HFM1: variants seen among roughly 807,000 people sequenced by gnomAD.
The protein encoded by HFM1 is probable ATP-dependent DNA helicase HFM1.
HFM1 carries 169 observed loss-of-function variants against 192.1 expected under a neutral mutation model. That is an observed-to-expected ratio of 0.88 (90% confidence interval 0.78 to 1.00). The LOEUF is 1.00. Ranked by LOEUF, HFM1 falls within the 50% of genes least tolerant of loss-of-function variation. The pLI is 0.00. For synonymous variants in HFM1, 525 were observed against 537.8 expected, an observed-to-expected ratio of 0.98 and a Z score of 0.33; for missense variants, 1,661 against 1,668.0, an observed-to-expected ratio of 1.00 and a Z score of 0.07.
At chr1:91,348,719 A>AT in intron 18 of HFM1, among the ~76,000 whole-genome samples, 1 of 151,916 alleles carries the variant, frequency 6.6e-6, no homozygotes, top group East Asian at 1.9e-4. Context: ...CACAAGTTCT[A>AT]GACCAGCCTA....
chr1:91,270,513 A>C (rs1330156521), intron 34 of HFM1, among the ~76,000 whole-genome samples: 1 of 151,972 alleles, frequency 6.6e-6, no homozygotes, highest in East Asian at 1.9e-4. Context: ...AAACATAGTC[A>C]GTGATTAAAG....
intron 4 of HFM1, among the ~76,000 whole-genome samples, chr1:91,388,358 A>T (rs1341231784): frequency 3.3e-5 from 5 of 152,192 alleles, no homozygotes; most frequent in Non-Finnish European, 7.3e-5. Flanking sequence ...GTCTGACGCT[A>T]ATTCCAGGAG....
chr1:91,342,413 G>A (rs1020343711), intron 20 of HFM1, among the ~76,000 whole-genome samples: 1 of 152,116 alleles, frequency 6.6e-6, no homozygotes, highest in African/African-American at 2.4e-5. Flanking sequence ...TCATGTGAGA[G>A]GTGCCCTCCC....
chr1:91,396,370 A>T lies in HFM1; in HGVS notation c.107T>A (p.Leu36His). The T allele has an allele frequency of 1.2e-6, 2 of 1,602,282 alleles. No individual in the cohort carries two copies. The highest frequency in any genetic ancestry group is 1.7e-6 in the Non-Finnish European group (2 of 1,172,558). ...PDNEKSLDWFLPPAPLISEIP... is the reference protein window; with the variant it reads ...PDNEKSLDWFHPPAPLISEIP... ...TTCTGAAATCAATGGAGCAGGAGGG[A>T]GAAACCAATCCAATGACTTTTCATT... The change falls in exon 3 of 39, where the codon CTC becomes CAC. Residue 36 changes from leucine (L) to histidine (H), a missense_variant. By Grantham distance (99) the Leu-to-His change is moderately conservative. Coordinates refer to ENST00000370425, the MANE Select transcript of HFM1 (RefSeq NM_001017975.6).
intron 1 of HFM1, 85 bp from the exon 2 acceptor site, chr1:91,401,194 C>T: frequency 1.5e-6 from 1 of 650,648 alleles, no homozygotes; most frequent in South Asian, 2.0e-5. Context: ...TTTCCACAGT[C>T]TCCTGTAAAA....
At position 91,378,197 on chromosome 1, in the gene HFM1, C is replaced by A. The variant is rs747393771; in HGVS notation, c.1237-14G>T. 3 of 1,552,888 alleles carry A rather than the reference C, an allele frequency of 1.9e-6. No homozygotes were observed. Among genetic ancestry groups the A allele is most frequent in the East Asian group, 4.6e-5 (2 of 43,890 alleles). ...TACAATATGTACCTAAGCAGGAAAT[C>A]AAGAAAAAATCATTAGCTATAGAAT... On this transcript the variant is annotated splice_polypyrimidine_tract_variant and intron_variant, in intron 10 of 38. Transcript: ENST00000370425.
At position 91,379,046 on chromosome 1, in the gene HFM1, G is replaced by A; in HGVS notation, c.1158+17C>T. The A allele has an allele frequency of 6.9e-7, 1 of 1,457,180 alleles. No individual in the cohort carries two copies. Among genetic ancestry groups the A allele is most frequent in the Non-Finnish European group, 9.2e-7 (1 of 1,088,286 alleles). The allele number at this position is 1,457,180 out of a possible 1,614,324, so 90.3% of individuals were successfully genotyped here. On this transcript the variant is annotated intron_variant, in intron 9 of 38. Transcript: ENST00000370425. ...TCTAACAAACTAAAGAAATCATAAAGTATAAATAATACCTACTGGAGTTGT... is the reference window on the plus strand; with the variant it reads ...TCTAACAAACTAAAGAAATCATAAAATATAAATAATACCTACTGGAGTTGT...
chr1:91,307,778 G>C (rs569972853), intron 30 of HFM1, among the ~76,000 whole-genome samples: 2 of 152,216 alleles, frequency 1.3e-5, no homozygotes, highest in South Asian at 4.2e-4. Context: ...AATTCAGGCT[G>C]ATAAATATAC....
intron 35 of HFM1, among the ~76,000 whole-genome samples, chr1:91,266,324 T>C (rs1420604287): frequency 1.3e-5 from 2 of 152,214 alleles, no homozygotes; most frequent in Non-Finnish European, 2.9e-5. Flanking sequence ...AGTAACTATA[T>C]TAAAAGGTCT....
chr1:91,407,279 C>T (rs1664846741), upstream of HFM1, among the ~76,000 whole-genome samples: 1 of 151,810 alleles, frequency 6.6e-6, no homozygotes, highest in Admixed American at 6.6e-5. Context: ...ATGGGTGCAG[C>T]AAACCGACAT....
At chr1:91,306,366 C>T (rs1273032074) in intron 30 of HFM1, among the ~76,000 whole-genome samples, 1 of 151,980 alleles carries the variant, frequency 6.6e-6, no homozygotes, top group Admixed American at 6.6e-5. Context: ...AAAGAAGTTC[C>T]CTTCTATTTC....
intron 1 of HFM1, among the ~76,000 whole-genome samples, chr1:91,402,611 T>C (rs1392595158): frequency 1.3e-5 from 2 of 152,112 alleles, no homozygotes; most frequent in Non-Finnish European, 2.9e-5. Context: ...AGTAAACAAT[T>C]TCAGAACTTG....
At chr1:91,346,135 A>C (rs1387137371) in intron 19 of HFM1, among the ~76,000 whole-genome samples, 2 of 152,136 alleles carry the variant, frequency 1.3e-5, no homozygotes, top group African/African-American at 4.8e-5. Flanking sequence ...TTTCTCTCCT[A>C]CAATTCCAAA....
chr1:91,375,212 T>C, intron 13 of HFM1, 146 bp downstream of exon 13: 1 of 605,640 alleles, frequency 1.7e-6, no homozygotes, highest in Non-Finnish European at 2.9e-6. Context: ...CTATCTCACT[T>C]AATCCTCAAA....
intron 30 of HFM1, among the ~76,000 whole-genome samples, chr1:91,280,980 G>C (rs1484845781): frequency 2.0e-5 from 3 of 152,220 alleles, no homozygotes; most frequent in Non-Finnish European, 4.4e-5. Flanking sequence ...GAACCTTCTA[G>C]GGGATGCTAA....
At chr1:91,337,436 CAAAAT>C (rs1409819588) in intron 20 of HFM1, among the ~76,000 whole-genome samples, 1 of 151,658 alleles carries the variant, frequency 6.6e-6, no homozygotes, top group East Asian at 1.9e-4. Flanking sequence ...CTCAAAGAGA[CAAAAT>C]AAAGTATTAG....
intron 20 of HFM1, among the ~76,000 whole-genome samples, chr1:91,330,519 T>C (rs1441794439): frequency 6.6e-6 from 1 of 152,132 alleles, no homozygotes; most frequent in East Asian, 1.9e-4. Context: ...AAAGTCTCCC[T>C]GTAAAGAGAA....
intron 13 of HFM1, among the ~76,000 whole-genome samples, chr1:91,356,235 C>A (rs1657712342): frequency 6.6e-6 from 1 of 151,470 alleles, no homozygotes; most frequent in Non-Finnish European, 1.5e-5. Flanking sequence ...AAAAGTGGTT[C>A]TAAGAGGAAT....
chr1:91,315,590 A>G (rs1310028052), intron 28 of HFM1, among the ~76,000 whole-genome samples: 1 of 152,188 alleles, frequency 6.6e-6, no homozygotes, highest in South Asian at 2.1e-4. Context: ...ATGGTGATAG[A>G]TTTTATACTT....
Sources: allele counts gnomAD v4.1 joint callset (sites outside exome capture counted in the v4.1 genomes callset), GRCh38; gene constraint gnomAD v4.1.1; transcripts MANE v1.5; gene names NCBI Gene and HGNC (gene_info 2026-07-23, HGNC 2026-07-21).